Variants in NF1 observed in about 807,000 individuals in gnomAD.
NF1 encodes the protein neurofibromin 1.
In NF1, 122 loss-of-function variants were observed where a neutral mutation model predicts 325.7. The ratio of observed to expected loss-of-function variants is 0.37; its 90% CI spans 0.32 to 0.44. The LOEUF is 0.44. Ranked by LOEUF, NF1 falls within the 20% of genes least tolerant of loss-of-function variation. The pLI is 1.00. For missense variants in NF1, 2,140 were observed against 3,415.4 expected (o/e 0.63, Z 9.31); for synonymous variants, 1,091 against 1,186.0 (o/e 0.92, Z 1.65).
chr17:31,299,310 A>G (rs941975951), intron 36 of NF1, among the ~76,000 whole-genome samples: 3 of 151,924 alleles, frequency 2.0e-5, no homozygotes, highest in Non-Finnish European at 4.4e-5. Flanking sequence ...AGAAATTCTC[A>G]TGAAATAAAA....
rs876658521 is a variant in NF1 at position 31,235,770 on chromosome 17, A to G, written c.3868A>G (p.Lys1290Glu). The change falls in exon 28 of 58, where the codon AAG (lysine) becomes GAG (glutamate). Residue 1290 changes from lysine (K) to glutamate (E), a missense_variant and splice_region_variant. Lys to Glu is a moderately conservative substitution (Grantham distance 56, BLOSUM62 1). This residue lies in a region of NF1 where 336 missense variants were observed against 399.0 expected (regional missense o/e 0.84). Coordinates refer to ENST00000358273, the MANE Select transcript of NF1 (RefSeq NM_001042492.3). Reference sequence around the variant, plus strand: ...CAGTAAAATAATGACATTCTGTTTCAAGGTTTGTATCATTCATTTTGTGTG... The same window carrying G: ...CAGTAAAATAATGACATTCTGTTTCGAGGTTTGTATCATTCATTTTGTGTG... ...LASKIMTFCF[K>E]VYGATYLQKL... The G allele has an allele frequency of 1.2e-6, 2 of 1,614,070 alleles. No individual in the cohort carries two copies. The highest frequency in any genetic ancestry group is 1.7e-6 in the Non-Finnish European group (2 of 1,180,006).
chr17:31,369,109 A>G (rs2070585508), intron 57 of NF1, among the ~76,000 whole-genome samples: 1 of 152,194 alleles, frequency 6.6e-6, no homozygotes, highest in South Asian at 2.1e-4. Context: ...TCATGATACT[A>G]TTATAACTGA....
intron 27 of NF1, among the ~76,000 whole-genome samples, chr17:31,234,884 A>G (rs1004934568): frequency 6.6e-6 from 1 of 152,026 alleles, no homozygotes; most frequent in African/African-American, 2.4e-5. Flanking sequence ...GCATCTTTTT[A>G]TGGCTACCCC....
At chr17:31,101,376 A>G (rs981633969) in intron 1 of NF1, among the ~76,000 whole-genome samples, 3 of 152,060 alleles carry the variant, frequency 2.0e-5, no homozygotes, top group Admixed American at 1.3e-4. Flanking sequence ...TAGCTTTCCT[A>G]TAGATCCTTG....
At chr17:31,329,846 C>T (rs2069436488) in intron 38 of NF1, among the ~76,000 whole-genome samples, 1 of 152,112 alleles carries the variant, frequency 6.6e-6, no homozygotes, top group African/African-American at 2.4e-5. Context: ...AAGGGAAGGG[C>T]CATCTGATAT....
intron 36 of NF1, among the ~76,000 whole-genome samples, chr17:31,282,025 A>T (rs913185484): frequency 2.0e-5 from 3 of 151,276 alleles, no homozygotes; most frequent in East Asian, 1.9e-4. Context: ...AAGCCACTGC[A>T]CTCCAGCCTG....
rs1309771130 is a variant in NF1, at chr17:31,144,044, T to C, written c.61-11939T>C. On this transcript the variant is annotated intron_variant, in intron 1 of 57. Coordinates refer to ENST00000358273, the MANE Select transcript of NF1 (RefSeq NM_001042492.3). ...TTCACCGTATTAGTCAGGATGATCTTGATCTCCTGACCTCGTGATCCGCCC... is the reference window on the plus strand; with the variant it reads ...TTCACCGTATTAGTCAGGATGATCTCGATCTCCTGACCTCGTGATCCGCCC... 4.6e-5 allele frequency among the ~76,000 whole-genome samples: 7 copies of C among 152,088 alleles called. No homozygotes were observed. In the East Asian group the frequency reaches 1.2e-3, roughly 25 times the overall value.
intron 36 of NF1, among the ~76,000 whole-genome samples, chr17:31,283,253 T>G (rs1308554714): frequency 1.3e-5 from 2 of 151,882 alleles, no homozygotes; most frequent in East Asian, 3.9e-4. Flanking sequence ...CCGTCTCTAC[T>G]AAAAATACAA....
rs554290820 is a variant in NF1, at chr17:31,375,076, A to G, written c.*921A>G. The G allele has an allele frequency of 1.0e-4, 22 of 213,128 alleles. No homozygotes were observed. The highest frequency in any genetic ancestry group is 4.3e-4 in the African/African-American group (19 of 44,390). The allele number at this position is 213,128 out of a possible 1,614,324, so 13.2% of individuals were successfully genotyped here. A position where few individuals can be genotyped will look rare whatever the true frequency, so the allele number is the denominator to read the frequency against. On this transcript the variant is annotated 3_prime_UTR_variant, in exon 58 of 58. Coordinates refer to ENST00000358273, the MANE Select transcript of NF1 (RefSeq NM_001042492.3). ...TTCCTAACTAATTCTGAGCAGGGTA[A>G]TCAGTGAACAAAGTGTTGAAAATTG...
intron 51 of NF1, among the ~76,000 whole-genome samples, chr17:31,353,438 C>G (rs985482541): frequency 1.3e-5 from 2 of 152,156 alleles, no homozygotes; most frequent in African/African-American, 4.8e-5. Flanking sequence ...TCAAGACCAG[C>G]CTGGGCAACA....
chr17:31,162,274 C>T (rs1331925274), intron 3 of NF1, among the ~76,000 whole-genome samples: 3 of 151,802 alleles, frequency 2.0e-5, no homozygotes, highest in Non-Finnish European at 2.9e-5. Flanking sequence ...GTCAGGAGTT[C>T]GAGACCAGCC....
intron 50 of NF1, 91 bp from the exon 51 acceptor site, chr17:31,352,166 T>A: frequency 1.7e-6 from 2 of 1,200,434 alleles, no homozygotes; most frequent in Non-Finnish European, 1.2e-6. Context: ...TTGCTGTTGT[T>A]AGGAAATAGG....
intron 48 of NF1, chr17:31,345,416 G>A (rs1261880666): frequency 9.6e-6 from 12 of 1,250,022 alleles, no homozygotes; most frequent in Non-Finnish European, 1.3e-5. Context: ...CAGTGAGAGC[G>A]GAGGGTGCCA....
intron 36 of NF1, among the ~76,000 whole-genome samples, chr17:31,313,719 AATAT>A (rs1011304227): frequency 5.8e-5 from 6 of 103,244 alleles, no homozygotes; most frequent in African/African-American, 2.3e-4. Flanking sequence ...AAAAAAAAAA[AATAT>A]GTGTGTGTGT....
chr17:31,157,513 A>G (rs1318389886), intron 2 of NF1, among the ~76,000 whole-genome samples: 2 of 152,196 alleles, frequency 1.3e-5, no homozygotes, highest in East Asian at 1.9e-4. Context: ...CTGGCATACA[A>G]TAATTGTACA....
intron 36 of NF1, among the ~76,000 whole-genome samples, chr17:31,291,784 G>A (rs1381081719): frequency 6.6e-6 from 1 of 152,218 alleles, no homozygotes; most frequent in Non-Finnish European, 1.5e-5. Flanking sequence ...GTAAGTGAAT[G>A]TCTTTCTGAC....
At chr17:31,312,098 T>C (rs558637537) in intron 36 of NF1, among the ~76,000 whole-genome samples, 2 of 152,318 alleles carry the variant, frequency 1.3e-5, no homozygotes, top group South Asian at 2.1e-4. Flanking sequence ...ATCAGATTTA[T>C]GTTTCTCAAT....
intron 36 of NF1, among the ~76,000 whole-genome samples, chr17:31,286,221 A>C (rs1368703819): frequency 6.6e-6 from 1 of 152,038 alleles, no homozygotes; most frequent in East Asian, 1.9e-4. Context: ...CAGCCTCCCG[A>C]GTAGCTGGGA....
chr17:31,361,475 G>A (rs998901653), intron 57 of NF1: 2 of 152,084 alleles, frequency 1.3e-5, no homozygotes, highest in Non-Finnish European at 2.9e-5. Context: ...TATTGTGTGT[G>A]TTATTATGAC....
Sources: allele counts gnomAD v4.1 joint callset (sites outside exome capture counted in the v4.1 genomes callset), GRCh38; gene constraint gnomAD v4.1.1; regional missense constraint gnomAD v4.1.1; transcripts MANE v1.5; gene names NCBI Gene and HGNC (gene_info 2026-07-23, HGNC 2026-07-21).